The following C2CD3 variants were observed in gnomAD, a reference collection of about 807,000 sequenced individuals.
The protein encoded by C2CD3 is C2 domain containing 3 centriole elongation regulator.
C2CD3 carries 148 observed loss-of-function variants against 234.0 expected under a neutral mutation model. The ratio of observed to expected loss-of-function variants is 0.63; its 90% CI spans 0.55 to 0.72. C2CD3 has a LOEUF of 0.72. C2CD3 is among the 30% of genes least tolerant of loss of function. C2CD3 has a pLI of 0.00. For synonymous variants in C2CD3, 1,000 were observed against 1,035.4 expected (o/e 0.97, Z 0.66); for missense variants, 2,577 against 2,811.5 (o/e 0.92, Z 1.89).
At chr11:74,169,433 T>C (rs565903345) in intron 1 of C2CD3, among the ~76,000 whole-genome samples, 5 of 152,318 alleles carry the variant, frequency 3.3e-5, no homozygotes, top group African/African-American at 1.2e-4. Context: ...TCCTATATTA[T>C]TTATACCTTT....
At chr11:74,057,696 T>C in intron 24 of C2CD3, 152 bp from the exon 25 acceptor site, 1 of 804,650 alleles carries the variant, frequency 1.2e-6, no homozygotes, top group Non-Finnish European at 1.9e-6. Flanking sequence ...TCAGGCTGGG[T>C]GTAGTGGCTC....
chr11:74,070,720 T>C (rs184979010), intron 24 of C2CD3: 1 of 152,286 alleles, frequency 6.6e-6, no homozygotes, highest in East Asian at 1.9e-4. Flanking sequence ...TCACCTGCAG[T>C]GTCAGTCATG....
chr11:74,102,073 T>C (rs1240288444), intron 14 of C2CD3, among the ~76,000 whole-genome samples: 1 of 152,178 alleles, frequency 6.6e-6, no homozygotes, highest in Non-Finnish European at 1.5e-5. Flanking sequence ...ATGGAAGCAG[T>C]GGCAGTGCAG....
At chr11:74,123,184 C>G in intron 7 of C2CD3, 49 bp from the exon 8 acceptor site, 12 of 1,387,314 alleles carry the variant, frequency 8.6e-6, no homozygotes, top group Non-Finnish European at 1.1e-5. Flanking sequence ...GAAGTTTCAG[C>G]TGAACTATTC....
intron 32 of C2CD3, 115 bp from the exon 33 acceptor site, chr11:74,013,640 T>C: frequency 1.7e-6 from 1 of 589,068 alleles, no homozygotes; most frequent in Non-Finnish European, 2.5e-6. Context: ...AGCTGCCTGG[T>C]TTACAAAGCG....
intron 26 of C2CD3, among the ~76,000 whole-genome samples, chr11:74,051,808 C>T (rs1210280382): frequency 2.0e-5 from 3 of 152,102 alleles, no homozygotes; most frequent in African/African-American, 7.2e-5. Flanking sequence ...TCTGTGAGGA[C>T]AGGGACCATG....
chr11:74,130,705 T>C (rs574298364), intron 7 of C2CD3, among the ~76,000 whole-genome samples: 1 of 152,342 alleles, frequency 6.6e-6, no homozygotes, highest in East Asian at 1.9e-4. Context: ...GATTTATATG[T>C]CTATCCTTAT....
At chr11:74,151,312 T>TATTTATTC (rs147177415) in intron 3 of C2CD3, among the ~76,000 whole-genome samples, 26,076 of 151,174 alleles carry the variant, frequency 0.17, 2,481 homozygotes, top group East Asian at 0.3. Context: ...ACTCTTTATT[T>TATTTATTC]ATTTATTTAT....
rs1228553220 is a variant in C2CD3, at chr11:74,118,905, A to ATTT, written c.1366-526_1366-524dup. On this transcript the variant is annotated intron_variant, in intron 8 of 32. Coordinates refer to ENST00000334126, the MANE Select transcript of C2CD3 (RefSeq NM_001286577.2). ...TGTCACCTAATCATCTGGATAGACT[A>ATTT]TTTTTTTTTTTTTTTTTTTTGAGAC... is the stretch of plus-strand genomic sequence containing the variant. Among the ~76,000 whole-genome samples the ATTT allele has an allele frequency of 1.0e-3, 130 of 127,914 alleles. 2 individuals carry two copies. Among genetic ancestry groups the ATTT allele is most frequent in the African/African-American group, 2.9e-3 (100 of 33,990 alleles). 83.9% of individuals were successfully genotyped at this position (127,914 alleles called of 152,430 possible).
intron 31 of C2CD3, among the ~76,000 whole-genome samples, chr11:74,029,676 T>C (rs1952444799): frequency 6.6e-6 from 1 of 152,236 alleles, no homozygotes; most frequent in Admixed American, 6.5e-5. Flanking sequence ...CTCTGAAGCA[T>C]GGAAGTCTCT....
At chr11:74,077,819 A>ATATGTG (rs1955131180) in intron 23 of C2CD3, among the ~76,000 whole-genome samples, 4 of 23,654 alleles carry the variant, frequency 1.7e-4, no homozygotes, top group African/African-American at 1.0e-3. Context: ...ATATATATAT[A>ATATGTG]TATATATATA....
At position 74,117,846 on chromosome 11, in the gene C2CD3, G is replaced by T. The variant is rs116689463; in HGVS notation, c.1520+382C>A. Among the ~76,000 whole-genome samples the T allele has an allele frequency of 3.5e-3, 525 of 151,550 alleles. 5 individuals are homozygous for T. The highest frequency in any genetic ancestry group is 0.012 in the African/African-American group (497 of 41,308). On this transcript the variant is annotated intron_variant, in intron 9 of 32. Coordinates refer to ENST00000334126, the MANE Select transcript of C2CD3 (RefSeq NM_001286577.2). ...AAGAATTGCTTCAATCTGGGAGGTG[G>T]AGGTTGCGGTGATCTGAGATCGTGC...
Position 74,118,213 on chromosome 11 carries a change from GTCAGAGCAGCTCACCTATT to G in C2CD3, c.1516_1520+14del. Reference sequence around the variant, plus strand: ...CTTTGTGTTTACCTTTAAATAAACAGTCAGAGCAGCTCACCTATTTCTCTTGCCTGCTGACCTCTTCTTC... The same window carrying G: ...CTTTGTGTTTACCTTTAAATAAACAGTCTCTTGCCTGCTGACCTCTTCTTC... On this transcript the variant is annotated splice_donor_variant and splice_donor_5th_base_variant and coding_sequence_variant and intron_variant, in exon 9 of 33. Transcript: ENST00000334126. LOFTEE classifies it high-confidence loss of function. 1 of 1,606,130 alleles carries G rather than the reference GTCAGAGCAGCTCACCTATT, an allele frequency of 6.2e-7. No homozygotes were observed. The highest frequency in any genetic ancestry group is 1.1e-5 in the South Asian group (1 of 89,772).
At chr11:74,102,435 G>A (rs1479072263) in intron 14 of C2CD3, among the ~76,000 whole-genome samples, 2 of 152,218 alleles carry the variant, frequency 1.3e-5, no homozygotes, top group Non-Finnish European at 1.5e-5. Context: ...GAAATGTCTG[G>A]CTTATATAGA....
chr11:74,138,735 T>C lies in C2CD3; in HGVS notation c.940A>G (p.Lys314Glu). The C allele has an allele frequency of 6.2e-7, 1 of 1,612,028 alleles. No homozygotes were observed. Among genetic ancestry groups the C allele is most frequent in the Non-Finnish European group, 8.5e-7 (1 of 1,178,130 alleles). ...CILSSNNLPT[K>E]DLLSALLEQG... The stretch of plus-strand genomic sequence containing the variant: ...ACATACATACCTGAAAGAAGATCCT[T>C]GGTAGGGAGGTTGTTTGAAGAAAGA... Residue 314 changes from lysine to glutamate, a missense_variant, in exon 5 of 33, where the codon AAG becomes GAG. Coordinates refer to ENST00000334126, the MANE Select transcript of C2CD3 (RefSeq NM_001286577.2).
At position 74,118,335 on chromosome 11, in the gene C2CD3, G is replaced by A. The variant is rs575209304; in HGVS notation, c.1413C>T (p.Ile471=). The A allele has an allele frequency of 2.5e-6, 4 of 1,612,088 alleles. No individual in the cohort carries two copies. Among genetic ancestry groups the A allele is most frequent in the African/African-American group, 1.3e-5 (1 of 74,956 alleles). The change falls in exon 9 of 33, where the codon ATC becomes ATT. Residue 471 remains isoleucine, a synonymous_variant. Coordinates refer to ENST00000334126, the MANE Select transcript of C2CD3 (RefSeq NM_001286577.2). ...ISDFLSEEDD[I]VPSKKISQST... ...ACTGGCTTATTTTTTTAGAAGGGAC[G>A]ATATCATCCTCTTCACTGAGGAAAT...
intron 10 of C2CD3, 103 bp downstream of exon 10, chr11:74,114,281 T>C (rs936393974): frequency 1.3e-5 from 10 of 799,586 alleles, no homozygotes; most frequent in South Asian, 8.0e-5. Flanking sequence ...ATGATGCATA[T>C]GAAAACACAT....
chr11:74,036,594 C>A, intron 30 of C2CD3: 1 of 438,844 alleles, frequency 2.3e-6, no homozygotes. Flanking sequence ...AGAATCTACA[C>A]ATTTCGCTCA....
At chr11:74,090,614 G>A (rs1028145160) in intron 20 of C2CD3, among the ~76,000 whole-genome samples, 199 bp downstream of exon 20, 9 of 152,180 alleles carry the variant, frequency 5.9e-5, no homozygotes, top group Non-Finnish European at 1.2e-4. Context: ...CAAGGTCAAG[G>A]AGGTAAGTTG....
Sources: allele counts gnomAD v4.1 joint callset (sites outside exome capture counted in the v4.1 genomes callset), GRCh38; gene constraint gnomAD v4.1.1; transcripts MANE v1.5; gene names NCBI Gene and HGNC (gene_info 2026-07-23, HGNC 2026-07-21).